CNTN5: variants seen among roughly 807,000 people sequenced by gnomAD.
CNTN5 encodes the protein contactin 5, also known as contactin-5.
In CNTN5, 77 loss-of-function variants were observed where a neutral mutation model predicts 129.1. The observed-to-expected ratio is 0.60, with a 90% CI of 0.50 to 0.72. The LOEUF is 0.72. Ranked by LOEUF, CNTN5 falls within the 30% of genes least tolerant of loss-of-function variation. The pLI is 0.00. For synonymous variants in CNTN5, 509 were observed against 465.6 expected, an observed-to-expected ratio of 1.09 and a Z score of -1.20; for missense variants, 1,478 against 1,328.8, an observed-to-expected ratio of 1.11 and a Z score of -1.75.
intron 3 of CNTN5, among the ~76,000 whole-genome samples, chr11:99,556,861 T>C (rs1413212817): frequency 6.6e-6 from 1 of 150,982 alleles, no homozygotes; most frequent in Non-Finnish European, 1.5e-5. Context: ...GACTCTAAAA[T>C]GAGATACTTT....
At chr11:99,746,216 C>T (rs1944051653) in intron 3 of CNTN5, among the ~76,000 whole-genome samples, 1 of 152,282 alleles carries the variant, frequency 6.6e-6, no homozygotes, top group South Asian at 2.1e-4. Flanking sequence ...TTCAGGACTT[C>T]CATTTGTCTT....
chr11:99,897,236 A>G (rs1949230320), intron 6 of CNTN5, among the ~76,000 whole-genome samples: 1 of 152,224 alleles, frequency 6.6e-6, no homozygotes, highest in Non-Finnish European at 1.5e-5. Context: ...AAAACATTTG[A>G]GAGGATAAAT....
At position 99,382,411 on chromosome 11, in the gene CNTN5, C is replaced by A. The variant is rs993925416; in HGVS notation, c.-71+56927C>A. ...GACGCAGAGAGAAAAGTGAAAATAT[C>A]ATTAAAGAGGCCTTTGTTGTTAAAT... On this transcript the variant is annotated intron_variant, in intron 2 of 24. Coordinates refer to ENST00000524871, the MANE Select transcript of CNTN5 (RefSeq NM_014361.4). Among the ~76,000 whole-genome samples, 6 of 152,148 alleles carry A rather than the reference C, an allele frequency of 3.9e-5. No homozygotes were observed. The South Asian group carries it at 1.2e-3, about 31-fold the overall frequency.
At chr11:99,397,156 A>G (rs541427637) in intron 2 of CNTN5, among the ~76,000 whole-genome samples, 1 of 151,908 alleles carries the variant, frequency 6.6e-6, no homozygotes, top group East Asian at 1.9e-4. Context: ...GAGAAAAATC[A>G]GTAAGGTGTT....
intron 13 of CNTN5, among the ~76,000 whole-genome samples, chr11:100,115,926 C>T (rs903599636): frequency 2.6e-5 from 4 of 151,882 alleles, no homozygotes; most frequent in African/African-American, 9.7e-5. Context: ...CATGTATTAC[C>T]TCAAGCCATT....
At chr11:100,151,312 T>G (rs1591320415) in intron 13 of CNTN5, among the ~76,000 whole-genome samples, 1 of 152,164 alleles carries the variant, frequency 6.6e-6, no homozygotes, top group Admixed American at 6.5e-5. Context: ...CATACCATGT[T>G]CCAGGCATTG....
At chr11:99,530,759 CA>C (rs1206247754) in intron 2 of CNTN5, among the ~76,000 whole-genome samples, 1 of 152,120 alleles carries the variant, frequency 6.6e-6, no homozygotes, top group Non-Finnish European at 1.5e-5. Flanking sequence ...ATAGGTTTAT[CA>C]GGTGTTTCCG....
intron 1 of CNTN5, among the ~76,000 whole-genome samples, chr11:99,250,838 A>G (rs1302517171): frequency 6.6e-6 from 1 of 151,884 alleles, no homozygotes; most frequent in Non-Finnish European, 1.5e-5. Context: ...TATTCTGTAG[A>G]ACAATTAATT....
intron 21 of CNTN5, among the ~76,000 whole-genome samples, chr11:100,339,491 G>A (rs574259191): frequency 6.6e-6 from 1 of 152,116 alleles, no homozygotes. Context: ...CGGTGGGGGT[G>A]GGCCATAGGT....
At chr11:100,227,688 A>ATTATTTTGC (rs1949408261) in intron 16 of CNTN5, among the ~76,000 whole-genome samples, 1 of 152,222 alleles carries the variant, frequency 6.6e-6, no homozygotes, top group East Asian at 1.9e-4. Flanking sequence ...GTTAGAAAAA[A>ATTATTTTGC]TTATTTTGCT....
chr11:100,302,241 A>G (rs1246209990), intron 20 of CNTN5, among the ~76,000 whole-genome samples: 1 of 151,544 alleles, frequency 6.6e-6, no homozygotes, highest in Non-Finnish European at 1.5e-5. Context: ...AAAAAGAGTA[A>G]AGGCCTGAAA....
chr11:99,593,120 A>G (rs940527803), intron 3 of CNTN5, among the ~76,000 whole-genome samples: 1 of 152,114 alleles, frequency 6.6e-6, no homozygotes, highest in Admixed American at 6.5e-5. Context: ...ATACCTCTCT[A>G]ACTTTTGGCC....
At chr11:99,150,982 CAG>C (rs142045244) in intron 1 of CNTN5, among the ~76,000 whole-genome samples, 7,471 of 151,976 alleles carry the variant, frequency 0.049, 245 homozygotes, top group Non-Finnish European at 0.073. Flanking sequence ...GAGAGAGAAA[CAG>C]AAATAAAAAA....
At chr11:99,621,103 C>T (rs866187556) in intron 3 of CNTN5, among the ~76,000 whole-genome samples, 1 of 151,984 alleles carries the variant, frequency 6.6e-6, no homozygotes, top group Non-Finnish European at 1.5e-5. Flanking sequence ...TACAAAGATA[C>T]TTATTGTAAG....
intron 3 of CNTN5, among the ~76,000 whole-genome samples, chr11:99,815,780 A>G (rs1438461384): frequency 6.6e-6 from 1 of 152,170 alleles, no homozygotes; most frequent in Non-Finnish European, 1.5e-5. Flanking sequence ...GATGAAACAT[A>G]ACTGAATCCA....
intron 2 of CNTN5, among the ~76,000 whole-genome samples, chr11:99,484,649 A>G (rs1464236520): frequency 6.6e-6 from 1 of 152,138 alleles, no homozygotes; most frequent in Non-Finnish European, 1.5e-5. Flanking sequence ...GTGTCCAACA[A>G]TGGATGAATG....
chr11:99,889,820 T>C (rs1325301555), intron 6 of CNTN5, among the ~76,000 whole-genome samples: 1 of 152,194 alleles, frequency 6.6e-6, no homozygotes, highest in East Asian at 1.9e-4. Flanking sequence ...GTGCTGGGAT[T>C]AGAAGCATGA....
chr11:100,149,645 C>T (rs1393938467), intron 13 of CNTN5, among the ~76,000 whole-genome samples: 12 of 152,100 alleles, frequency 7.9e-5, no homozygotes, highest in Admixed American at 7.2e-4. Context: ...GTAATCCCAG[C>T]ACTTTGGGAG....
intron 1 of CNTN5, among the ~76,000 whole-genome samples, chr11:99,168,205 A>T (rs1001518913): frequency 6.6e-6 from 1 of 152,120 alleles, no homozygotes; most frequent in Non-Finnish European, 1.5e-5. Flanking sequence ...TTGCCTTCCA[A>T]AGTGCTGGAA....
Sources: gnomAD v4.1 joint callset for allele counts (sites outside exome capture counted in the v4.1 genomes callset) on GRCh38, gnomAD v4.1.1 for gene constraint, MANE v1.5 for transcripts, NCBI Gene and HGNC (gene_info 2026-07-23, HGNC 2026-07-21) for gene names.